Variants in DGKB observed in about 807,000 individuals in gnomAD.
DGKB encodes the protein diacylglycerol kinase beta, also known as 90 kDa diacylglycerol kinase.
Under a neutral mutation model 114.3 loss-of-function variants are expected in DGKB, and 67 were observed. The ratio of observed to expected loss-of-function variants is 0.59; its 90% CI spans 0.48 to 0.72. The LOEUF (loss-of-function observed/expected upper bound fraction) is 0.72, where lower values mean the gene tolerates loss of function less well. Among genes scored for constraint, DGKB ranks in the 30% least tolerant of loss-of-function variants. The pLI, the probability that DGKB is intolerant of heterozygous loss-of-function variation, is 0.00. For synonymous variants in DGKB, 398 were observed against 323.1 expected (o/e 1.23, Z -2.49); for missense variants, 907 against 975.2 (o/e 0.93, Z 0.93).
At chr7:14,556,333 T>A (rs1795866848) in intron 20 of DGKB, among the ~76,000 whole-genome samples, 1 of 152,140 alleles carries the variant, frequency 6.6e-6, no homozygotes. Context: ...AATATATATT[T>A]AGTATTTATT....
At chr7:14,879,976 T>C (rs757541338) in intron 1 of DGKB, among the ~76,000 whole-genome samples, 3 of 152,170 alleles carry the variant, frequency 2.0e-5, no homozygotes, top group Non-Finnish European at 4.4e-5. Context: ...CCTCACAAGA[T>C]GACAATTTGG....
intron 1 of DGKB, among the ~76,000 whole-genome samples, chr7:14,849,995 C>T (rs1186587574): frequency 6.6e-6 from 1 of 152,152 alleles, no homozygotes; most frequent in Admixed American, 6.5e-5. Flanking sequence ...GCCTCCCCCA[C>T]TTTATCCTAC....
chr7:14,642,765 T>C (rs566659660), intron 13 of DGKB, among the ~76,000 whole-genome samples: 1 of 152,342 alleles, frequency 6.6e-6, no homozygotes, highest in Non-Finnish European at 1.5e-5. Flanking sequence ...TTTTGCTGCA[T>C]ATGGTATATT....
In DGKB at chr7:14,255,737, C is replaced by T. The variant is rs1242566900; in HGVS notation, c.2123-77586G>A. Among the ~76,000 whole-genome samples, 3 of 132,572 alleles carry T rather than the reference C, an allele frequency of 2.3e-5. No homozygotes were observed. In the East Asian group the frequency reaches 6.4e-4, roughly 28 times the overall value. 87.0% of individuals were successfully genotyped at this position (132,572 alleles called of 152,430 possible). A position where few individuals can be genotyped will look rare whatever the true frequency, so the allele number is the denominator to read the frequency against. ...CATCTTTATTACACTGTCTTCTCAT[C>T]TCTTTTTTTTTTTTCTCCTCTTCTC... On this transcript the variant is annotated intron_variant, in intron 23 of 25. Transcript: ENST00000402815.
intron 1 of DGKB, among the ~76,000 whole-genome samples, chr7:14,872,563 G>A (rs1327217108): frequency 6.6e-6 from 1 of 152,050 alleles, no homozygotes; most frequent in Non-Finnish European, 1.5e-5. Flanking sequence ...TTGGTTAAAC[G>A]AATAATGTAG....
intron 2 of DGKB, among the ~76,000 whole-genome samples, chr7:14,795,695 C>T (rs1442332240): frequency 6.6e-6 from 1 of 151,966 alleles, no homozygotes; most frequent in Non-Finnish European, 1.5e-5. Context: ...GAGCTGGTTA[C>T]CTGGCTACTG....
intron 23 of DGKB, among the ~76,000 whole-genome samples, chr7:14,280,052 A>G (rs944258326): frequency 1.3e-5 from 2 of 152,104 alleles, no homozygotes; most frequent in African/African-American, 4.8e-5. Flanking sequence ...TCAGACGATC[A>G]AATTACTCTG....
At chr7:14,900,767 G>C (rs1782891563) in intron 1 of DGKB, among the ~76,000 whole-genome samples, 2 of 152,042 alleles carry the variant, frequency 1.3e-5, no homozygotes, top group South Asian at 4.1e-4. Flanking sequence ...ATGAAGCAAA[G>C]GCATTGCCAC....
intron 23 of DGKB, among the ~76,000 whole-genome samples, chr7:14,204,443 A>G (rs1248931562): frequency 6.6e-6 from 1 of 152,006 alleles, no homozygotes; most frequent in Non-Finnish European, 1.5e-5. Flanking sequence ...GAGCAAGAAA[A>G]TGATTAGCCT....
At chr7:14,327,958 T>C (rs1222890635) in intron 23 of DGKB, among the ~76,000 whole-genome samples, 2 of 152,132 alleles carry the variant, frequency 1.3e-5, no homozygotes, top group East Asian at 3.8e-4. Context: ...TGTTAAAATA[T>C]GAAATGACTT....
intron 21 of DGKB, among the ~76,000 whole-genome samples, chr7:14,363,001 G>A (rs1246684326): frequency 6.6e-6 from 1 of 152,060 alleles, no homozygotes; most frequent in Non-Finnish European, 1.5e-5. Context: ...GCTTCATGGG[G>A]TTCATAAATG....
chr7:14,960,713 G>C (rs1209832328), intron 1 of DGKB, among the ~76,000 whole-genome samples: 1 of 151,914 alleles, frequency 6.6e-6, no homozygotes, highest in Non-Finnish European at 1.5e-5. Flanking sequence ...ACCAACTAAG[G>C]TCAATCTGTG....
intron 20 of DGKB, among the ~76,000 whole-genome samples, chr7:14,497,917 G>A (rs533615520): frequency 6.6e-6 from 1 of 151,876 alleles, no homozygotes; most frequent in South Asian, 2.1e-4. Context: ...CTCATGGAAG[G>A]ACAGCTCATT....
At chr7:14,928,556 C>A (rs1014083954) in intron 1 of DGKB, among the ~76,000 whole-genome samples, 1 of 151,970 alleles carries the variant, frequency 6.6e-6, no homozygotes, top group African/African-American at 2.4e-5. Context: ...TATCTGCAAT[C>A]TGTGTGCAAT....
In DGKB at chr7:14,967,652, T is replaced by TAA. The variant is rs35965873; in HGVS notation, c.-188+7042_-188+7043dup. The stretch of plus-strand genomic sequence containing the variant: ...CTGACTTTACAAGCATGTGATTTAT[T>TAA]AAAAAAAAAAAAAAAAAAAAAAAGT... On this transcript the variant is annotated intron_variant, in intron 1 of 4. Coordinates refer to the DGKB transcript ENST00000437998. 8.3e-3 allele frequency among the ~76,000 whole-genome samples: 835 copies of TAA among 100,962 alleles called. 8 individuals carry two copies. Among genetic ancestry groups the TAA allele is most frequent in the African/African-American group, 0.011 (296 of 27,278 alleles). The allele number at this position is 100,962 out of a possible 152,430, so 66.2% of individuals were successfully genotyped here.
intron 2 of DGKB, among the ~76,000 whole-genome samples, chr7:14,760,659 A>T (rs1393646254): frequency 6.6e-6 from 1 of 152,032 alleles, no homozygotes; most frequent in Non-Finnish European, 1.5e-5. Context: ...ATCTCGAGAG[A>T]CTATGTTTAT....
intron 1 of DGKB, among the ~76,000 whole-genome samples, chr7:14,949,189 T>C (rs1786039803): frequency 6.6e-6 from 1 of 151,896 alleles, no homozygotes; most frequent in South Asian, 2.1e-4. Flanking sequence ...TATAGAAATA[T>C]TCAATCTCAT....
intron 20 of DGKB, among the ~76,000 whole-genome samples, chr7:14,489,326 A>C (rs1430764390): frequency 2.6e-5 from 4 of 152,204 alleles, no homozygotes; most frequent in African/African-American, 9.7e-5. Context: ...ATATATTTAA[A>C]ACTGTTCATT....
intron 23 of DGKB, among the ~76,000 whole-genome samples, chr7:14,304,505 G>C (rs1030387005): frequency 2.0e-5 from 3 of 152,096 alleles, no homozygotes; most frequent in Non-Finnish European, 4.4e-5. Flanking sequence ...TAGGTAATGA[G>C]CTGAGCTTCA....
Sources: allele counts gnomAD v4.1 joint callset (sites outside exome capture counted in the v4.1 genomes callset), GRCh38; gene constraint gnomAD v4.1.1; transcripts MANE v1.5; gene names NCBI Gene and HGNC (gene_info 2026-07-23, HGNC 2026-07-21).